CYTL1: variants seen among roughly 807,000 people sequenced by gnomAD.
The protein encoded by CYTL1 is cytokine like 1.
Under a neutral mutation model 13.1 loss-of-function variants are expected in CYTL1, and 17 were observed. The observed-to-expected ratio is 1.29, with a 90% CI of 0.89 to 1.94. The LOEUF (loss-of-function observed/expected upper bound fraction) is 1.94, where lower values mean the gene tolerates loss of function less well. Ranked by LOEUF, CYTL1 falls within the 30% of genes most tolerant of loss-of-function variation. The pLI, the probability that CYTL1 is intolerant of heterozygous loss-of-function variation, is 0.00. For missense variants in CYTL1, 213 were observed against 174.8 expected (o/e 1.22, Z -1.23); for synonymous variants, 91 against 79.4 (o/e 1.15, Z -0.78).
chr4:5,019,158 A>G (rs1741141958), intron 1 of CYTL1, 135 bp downstream of exon 1: 1 of 781,688 alleles, frequency 1.3e-6, no homozygotes, highest in Non-Finnish European at 1.8e-6. Flanking sequence ...AAACACAAAT[A>G]CTCCTGAGAT....
chr4:5,017,265 G>A (rs571968301), intron 1 of CYTL1, 86 bp from the exon 2 acceptor site: 1 of 1,309,738 alleles, frequency 7.6e-7, no homozygotes, highest in East Asian at 2.3e-5. Context: ...TCAACAGCCA[G>A]ACCAGCCCAG....
chr4:5,016,392 C>T (rs1467994632), intron 3 of CYTL1, among the ~76,000 whole-genome samples: 2 of 152,208 alleles, frequency 1.3e-5, no homozygotes, highest in Non-Finnish European at 1.5e-5. Flanking sequence ...CAGACCCAAG[C>T]TCAGGGCTCT....
chr4:5,016,096 G>A (rs980099204), intron 3 of CYTL1, among the ~76,000 whole-genome samples: 9 of 152,158 alleles, frequency 5.9e-5, no homozygotes, highest in African/African-American at 1.7e-4. Flanking sequence ...ATGGATTAAC[G>A]TCACTACCTT....
chr4:5,016,409 C>CTGAAGTCTGTGCCCTGCAATCACAT (rs1167089373), intron 3 of CYTL1, among the ~76,000 whole-genome samples: 2 of 152,240 alleles, frequency 1.3e-5, no homozygotes, highest in Admixed American at 1.3e-4. Context: ...CTCTCTGATG[C>CTGAAGTCTGTGCCCTGCAATCACAT]TGAAGTCTGT....
intron 3 of CYTL1, among the ~76,000 whole-genome samples, chr4:5,016,258 C>CA (rs1234142391): frequency 1.3e-5 from 2 of 152,212 alleles, no homozygotes; most frequent in Non-Finnish European, 1.5e-5. Flanking sequence ...GACTACCCCC[C>CA]AGCCTCCTCC....
rs1365925868 is a variant in CYTL1 at position 5,015,228 on chromosome 4, C to T, written c.334G>A (p.Val112Ile). 2 of 1,612,320 alleles carry T rather than the reference C, an allele frequency of 1.2e-6. No individual in the cohort carries two copies. The highest frequency in any genetic ancestry group is 1.7e-6 in the Non-Finnish European group (2 of 1,179,190). Residue 112 changes from valine to isoleucine, a missense_variant, in exon 4 of 4, where the codon GTA (valine) becomes ATA (isoleucine). Physicochemically the swap from Val to Ile is conservative, Grantham distance 29. Coordinates refer to ENST00000307746, the MANE Select transcript of CYTL1 (RefSeq NM_018659.3). ...GCATTGCAGTCATCCAACAGGAATACCAAATCCTGAAAAAGATGTGCAATG... is the reference window on the plus strand; with the variant it reads ...GCATTGCAGTCATCCAACAGGAATATCAAATCCTGAAAAAGATGTGCAATG... ...IMNSFCRRDL[V>I]FLLDDCNALE...
At chr4:5,018,097 G>A (rs975218234) in intron 1 of CYTL1, among the ~76,000 whole-genome samples, 2 of 152,164 alleles carry the variant, frequency 1.3e-5, no homozygotes, top group Non-Finnish European at 2.9e-5. Context: ...GTAAATTGTG[G>A]TGAAACTGTA....
intron 1 of CYTL1, among the ~76,000 whole-genome samples, chr4:5,018,922 A>G (rs1343395275): frequency 6.6e-6 from 1 of 151,482 alleles, no homozygotes; most frequent in East Asian, 1.9e-4. Context: ...GCAATACACA[A>G]GCTTCATTCC....
chr4:5,015,579 C>T (rs948772854), intron 3 of CYTL1, among the ~76,000 whole-genome samples: 2 of 152,088 alleles, frequency 1.3e-5, no homozygotes, highest in African/African-American at 2.4e-5. Flanking sequence ...ATTGGAATGA[C>T]CTCACTTCAA....
intron 1 of CYTL1, among the ~76,000 whole-genome samples, chr4:5,019,092 T>G (rs1442781473): frequency 1.3e-5 from 2 of 151,782 alleles, no homozygotes; most frequent in Non-Finnish European, 2.9e-5. Context: ...TCTTTACTTT[T>G]TCTTGTGTTT....
Position 5,016,821 on chromosome 4 carries a change from A to G in CYTL1, c.327+15T>C, listed in dbSNP as rs1227614232. 4 of 1,613,910 alleles carry G rather than the reference A, an allele frequency of 2.5e-6. No individual in the cohort carries two copies. The highest frequency in any genetic ancestry group is 2.5e-6 in the Non-Finnish European group (3 of 1,179,928). Reference sequence around the variant, plus strand: ...ATAGCAAGTAGAAAATAGACTTTCAATGGCATCCACTTACTCTCCTGCAGA... The same window carrying G: ...ATAGCAAGTAGAAAATAGACTTTCAGTGGCATCCACTTACTCTCCTGCAGA... On this transcript the variant is annotated intron_variant, in intron 3 of 3. Transcript: ENST00000307746.
Position 5,019,302 on chromosome 4 carries a change from C to G in CYTL1, c.144G>C (p.Ser48=). The G allele has an allele frequency of 6.7e-7, 1 of 1,497,622 alleles. No individual in the cohort carries two copies. Among genetic ancestry groups the G allele is most frequent in the Non-Finnish European group, 8.9e-7 (1 of 1,126,560 alleles). The allele number at this position is 1,497,622 out of a possible 1,614,324, so 92.8% of individuals were successfully genotyped here. ...CGGGCGGGGGACTCACCGAGGGCTC[C>G]GAGACCTGCAGGAGGTTGAAGTCGC... ...ITRDFNLLQV[S]EPSEPCVRYL... is the part of the protein sequence containing the mutation. The change falls in exon 1 of 4, where the codon TCG becomes TCC. Residue 48 remains serine (S), a synonymous_variant. Coordinates refer to ENST00000307746, the MANE Select transcript of CYTL1 (RefSeq NM_018659.3).
chr4:5,015,296 C>T, intron 3 of CYTL1, 62 bp from the exon 4 acceptor site: 2 of 1,293,120 alleles, frequency 1.5e-6, no homozygotes, highest in South Asian at 2.5e-5. Context: ...CCATATGCAA[C>T]TGTAGGGCTC....
Position 5,019,281 on chromosome 4 carries a change from CG to C in CYTL1, c.153+11del. On this transcript the variant is annotated intron_variant, in intron 1 of 3. Transcript: ENST00000307746. The stretch of plus-strand genomic sequence containing the variant: ...GCCATGCACCCCTGTCCTGAGCGGG[CG>C]GGGGACTCACCGAGGGCTCCGAGAC... The C allele has an allele frequency of 1.4e-6, 2 of 1,473,316 alleles. No homozygotes were observed. The highest frequency in any genetic ancestry group is 2.7e-5 in the Admixed American group (1 of 36,802). 91.3% of individuals were successfully genotyped at this position (1,473,316 alleles called of 1,614,324 possible). A position where few individuals can be genotyped will look rare whatever the true frequency, so the allele number is the denominator to read the frequency against.
chr4:5,017,091 T>C, intron 2 of CYTL1, 44 bp downstream of exon 2: 4 of 1,608,954 alleles, frequency 2.5e-6, no homozygotes, highest in Non-Finnish European at 3.4e-6. Context: ...CAGACCTGAG[T>C]CCCTCAGCCC....
In CYTL1 at chr4:5,016,849, G is replaced by A. The variant is rs777247026; in HGVS notation, c.314C>T (p.Ser105Leu). 8.7e-6 allele frequency: 14 copies of A among 1,614,170 alleles called. No homozygotes were observed. Among genetic ancestry groups the A allele is most frequent in the Non-Finnish European group, 1.2e-5 (14 of 1,180,016 alleles). ...KARKLYTIMN[S>L]FCRRDLVFLL... ...GCATCCACTTACTCTCCTGCAGAAC[G>A]AGTTCATGATGGTGTACAGCTTCCG... The change falls in exon 3 of 4, where the codon TCG (serine) becomes TTG (leucine). Residue 105 changes from serine to leucine, a missense_variant. By Grantham distance (145) the Ser-to-Leu change is moderately radical. Coordinates refer to ENST00000307746, the MANE Select transcript of CYTL1 (RefSeq NM_018659.3).
rs987114498 is a variant in CYTL1 at position 5,016,773 on chromosome 4, A to T, written c.327+63T>A. On this transcript the variant is annotated intron_variant, in intron 3 of 3. Transcript: ENST00000307746. ...CATCTCCTCCCAACTCTCCTCTTTG[A>T]AAAGCTCAGAAAGTCTTGGCTGATA... 5.9e-5 allele frequency: 94 copies of T among 1,597,574 alleles called. No individual in the cohort carries two copies. In the Admixed American group the frequency reaches 1.6e-3, roughly 26 times the overall value.
Position 5,017,116 on chromosome 4 carries a change from C to T in CYTL1, c.198+19G>A. On this transcript the variant is annotated intron_variant, in intron 2 of 3. Transcript: ENST00000307746. ...TCCCTCAGCCCAAGACCTCCCTCCC[C>T]CAGGGAGAACCCTCTTACGTGTATG... 6.2e-7 allele frequency: 1 copy of T among 1,612,896 alleles called. No individual in the cohort carries two copies. The highest frequency in any genetic ancestry group is 1.1e-5 in the South Asian group (1 of 90,850).
rs575074331 is a variant in CYTL1, at chr4:5,016,092, T to C, written c.327+744A>G. ...GAGGGCTCTGCCCTTATGAATGGAT[T>C]AACGTCACTACCTTGGGAGAGGGTT... On this transcript the variant is annotated intron_variant, in intron 3 of 3. Coordinates refer to ENST00000307746, the MANE Select transcript of CYTL1 (RefSeq NM_018659.3). Among the ~76,000 whole-genome samples, 5 of 152,314 alleles carry C rather than the reference T, an allele frequency of 3.3e-5. No homozygotes were observed. The South Asian group carries it at 1.0e-3, about 32-fold the overall frequency.
Sources: gnomAD v4.1 joint callset for allele counts (sites outside exome capture counted in the v4.1 genomes callset) on GRCh38, gnomAD v4.1.1 for gene constraint, MANE v1.5 for transcripts, NCBI Gene and HGNC (gene_info 2026-07-23, HGNC 2026-07-21) for gene names.